The following GNA15 variants were observed in gnomAD, a reference collection of about 807,000 sequenced individuals.
The protein encoded by GNA15 is G protein subunit alpha 15, also known as guanine nucleotide-binding protein subunit alpha-15.
In GNA15, 23 loss-of-function variants were observed where a neutral mutation model predicts 40.1. The observed-to-expected ratio is 0.57, with a 90% confidence interval of 0.41 to 0.81. The LOEUF is 0.81. Among genes scored for constraint, GNA15 ranks in the 40% least tolerant of loss-of-function variants. The probability of loss-of-function intolerance (pLI) is 0.00; values close to 1 mark genes in which losing one functional copy is unlikely to be tolerated. For missense variants in GNA15, 522 were observed against 515.8 expected, an observed-to-expected ratio of 1.01 and a Z score of -0.12; for synonymous variants, 226 against 210.4, an observed-to-expected ratio of 1.07 and a Z score of -0.64.
intron 1 of GNA15, among the ~76,000 whole-genome samples, chr19:3,138,278 A>T (rs1236199987): frequency 1.3e-5 from 2 of 152,202 alleles, no homozygotes; most frequent in Non-Finnish European, 2.9e-5. Context: ...AAAAAAAAAA[A>T]ATTCTGATCT....
Position 3,136,631 on chromosome 19 carries a change from A to T in GNA15, c.145+36A>T. ...GGTCGGTGGGCGGTGGGTGGTGGGCAGTGGGCGGTGGCCAGCCGGCAGGGG... is the reference window on the plus strand; with the variant it reads ...GGTCGGTGGGCGGTGGGTGGTGGGCTGTGGGCGGTGGCCAGCCGGCAGGGG... On this transcript the variant is annotated intron_variant, in intron 1 of 6. Transcript: ENST00000262958. This position sits in a 1 kb window ranked among gnomAD's most constrained non-coding sequence, Gnocchi z 4.9. 1 of 1,524,228 alleles carries T rather than the reference A, an allele frequency of 6.6e-7. No individual in the cohort carries two copies. The highest frequency in any genetic ancestry group is 8.9e-7 in the Non-Finnish European group (1 of 1,126,460). The allele number at this position is 1,524,228 out of a possible 1,614,324, so 94.4% of individuals were successfully genotyped here.
At chr19:3,146,868 T>G (rs938179722) in intron 1 of GNA15, among the ~76,000 whole-genome samples, 25 of 152,138 alleles carry the variant, frequency 1.6e-4, no homozygotes, top group Non-Finnish European at 2.9e-5. Flanking sequence ...AAGACTTCCC[T>G]GCAACCCACA....
At chr19:3,140,418 G>A (rs1000239753) in intron 1 of GNA15, among the ~76,000 whole-genome samples, 2 of 151,732 alleles carry the variant, frequency 1.3e-5, no homozygotes, top group Non-Finnish European at 2.9e-5. Flanking sequence ...CTCTTTCCTC[G>A]AATACCTCAA....
chr19:3,161,726 G>A (rs1340601174), intron 6 of GNA15, among the ~76,000 whole-genome samples: 1 of 152,122 alleles, frequency 6.6e-6, no homozygotes, highest in Non-Finnish European at 1.5e-5. Context: ...ACTCTTTGCT[G>A]ACTCCCAGCC....
chr19:3,147,271 G>C (rs1051937734), intron 1 of GNA15, among the ~76,000 whole-genome samples: 1 of 152,132 alleles, frequency 6.6e-6, no homozygotes, highest in African/African-American at 2.4e-5. Context: ...AATAAAAATA[G>C]GCCAGGCACG....
At position 3,163,213 on chromosome 19, in the gene GNA15, C is replaced by A. The variant is rs1008809421; in HGVS notation, c.*194C>A. 1.2e-5 allele frequency: 7 copies of A among 589,904 alleles called. No homozygotes were observed. In the East Asian group the frequency reaches 2.0e-4, roughly 17 times the overall value. 36.5% of individuals were successfully genotyped at this position (589,904 alleles called of 1,614,324 possible). On this transcript the variant is annotated 3_prime_UTR_variant, in exon 7 of 7. Transcript: ENST00000262958. Reference sequence around the variant, plus strand: ...ACAGCCGCCCCCCAGGGTACTCCTGCCCTTGCTTGACTCAGTTTCCCTCCT... The same window carrying A: ...ACAGCCGCCCCCCAGGGTACTCCTGACCTTGCTTGACTCAGTTTCCCTCCT...
chr19:3,156,428 CAT>C (rs1599329427), intron 5 of GNA15, among the ~76,000 whole-genome samples: 2 of 151,400 alleles, frequency 1.3e-5, no homozygotes, highest in Non-Finnish European at 1.5e-5. Flanking sequence ...TGAACACACA[CAT>C]GCACACACAC....
chr19:3,144,703 T>C (rs1441787037), intron 1 of GNA15, among the ~76,000 whole-genome samples: 4 of 150,850 alleles, frequency 2.7e-5, no homozygotes, highest in East Asian at 3.9e-4. Flanking sequence ...TAATTTTTTG[T>C]ATTTTTAGTA....
At position 3,151,807 on chromosome 19, in the gene GNA15, T is replaced by A; in HGVS notation, c.586T>A (p.Cys196Ser). ...RMPTTGINEY[C>S]FSVQKTNLRI... Reference sequence around the variant, plus strand: ...GCCCACCACTGGCATCAACGAGTACTGCTTCTCCGTGCAGAAAACCAACCT... The same window carrying A: ...GCCCACCACTGGCATCAACGAGTACAGCTTCTCCGTGCAGAAAACCAACCT... Residue 196 changes from cysteine to serine, a missense_variant, in exon 4 of 7, where the codon TGC (cysteine) becomes AGC (serine). Cys to Ser is a moderately radical substitution (Grantham distance 112). Transcript: ENST00000262958. This position sits in a 1 kb window ranked among gnomAD's most constrained non-coding sequence, Gnocchi z 5.0. The A allele has an allele frequency of 6.2e-7, 1 of 1,612,168 alleles. No individual in the cohort carries two copies. The highest frequency in any genetic ancestry group is 8.5e-7 in the Non-Finnish European group (1 of 1,179,406).
chr19:3,153,096 C>T (rs765538065), intron 4 of GNA15, among the ~76,000 whole-genome samples: 1 of 152,082 alleles, frequency 6.6e-6, no homozygotes, highest in Non-Finnish European at 1.5e-5. Context: ...TGGGTCCACA[C>T]CACCTTTAAG....
At chr19:3,148,915 C>T in intron 2 of GNA15, 140 bp downstream of exon 2, 1 of 782,782 alleles carries the variant, frequency 1.3e-6, no homozygotes, top group South Asian at 1.8e-5. Flanking sequence ...GGTCCCCAGA[C>T]CCTGGGGCAA....
intron 6 of GNA15, among the ~76,000 whole-genome samples, chr19:3,158,724 T>A (rs1323674805): frequency 6.6e-6 from 1 of 151,980 alleles, no homozygotes; most frequent in African/African-American, 2.4e-5. Flanking sequence ...CCGGTTCAAG[T>A]GATTCTCCTG....
In GNA15 at chr19:3,163,044, G is replaced by A. The variant is rs1202438968; in HGVS notation, c.*25G>A. 5.3e-6 allele frequency: 8 copies of A among 1,518,476 alleles called. No homozygotes were observed. In the South Asian group the frequency reaches 7.9e-5, roughly 15 times the overall value. The allele number at this position is 1,518,476 out of a possible 1,614,324, so 94.1% of individuals were successfully genotyped here. On this transcript the variant is annotated 3_prime_UTR_variant, in exon 7 of 7. Coordinates refer to ENST00000262958, the MANE Select transcript of GNA15 (RefSeq NM_002068.4). ...ACCCAGGCCCCACCTGGGGCAGGCGGCACCGGCGGGCGGGTGGGAGGTGGG... is the reference window on the plus strand; with the variant it reads ...ACCCAGGCCCCACCTGGGGCAGGCGACACCGGCGGGCGGGTGGGAGGTGGG...
In GNA15 at chr19:3,162,894, G is replaced by T. The variant is rs747491972; in HGVS notation, c.1000G>T (p.Ala334Ser). Residue 334 changes from alanine to serine, a missense_variant, in exon 7 of 7, where the codon GCA (alanine) becomes TCA (serine). By Grantham distance (99) the Ala-to-Ser change is moderately conservative. Coordinates refer to ENST00000262958, the MANE Select transcript of GNA15 (RefSeq NM_002068.4). ...VDGPEGSKKG[A>S]RSRRLFSHYT... ...CGGCCCCGAGGGCAGCAAGAAGGGC[G>T]CACGATCCCGACGCCTCTTCAGCCA... The T allele has an allele frequency of 6.2e-7, 1 of 1,613,530 alleles. No homozygotes were observed. Among genetic ancestry groups the T allele is most frequent in the East Asian group, 2.2e-5 (1 of 44,872 alleles).
Position 3,163,578 on chromosome 19 carries a change from C to T in GNA15, c.*559C>T. 6.5e-6 allele frequency: 1 copy of T among 154,250 alleles called. No individual in the cohort carries two copies. Among genetic ancestry groups the T allele is most frequent in the Non-Finnish European group, 1.4e-5 (1 of 69,160 alleles). The allele number at this position is 154,250 out of a possible 1,614,324, so 9.6% of individuals were successfully genotyped here. On this transcript the variant is annotated 3_prime_UTR_variant, in exon 7 of 7. Transcript: ENST00000262958. ...CACTGTCACTTTCAGAGCTCGGTGG[C>T]TCACAGCGTGTCCTGCCCCGGTTTG...
In GNA15 at chr19:3,157,948, C is replaced by G. The variant is rs138596601; in HGVS notation, c.898+67C>G. The G allele has an allele frequency of 6.8e-4, 860 of 1,256,666 alleles. 1 individual carries two copies. The highest frequency in any genetic ancestry group is 2.5e-3 in the Middle Eastern group (13 of 5,288). The allele number at this position is 1,256,666 out of a possible 1,614,324, so 77.8% of individuals were successfully genotyped here. ...AGCAGCTCCGAAGAGAGATGCTAAT[C>G]CAGACTCTACTTCAGCCTGGAGTCA... On this transcript the variant is annotated intron_variant, in intron 6 of 6. Transcript: ENST00000262958.
chr19:3,157,779 T>G lies in GNA15; in HGVS notation c.796T>G (p.Trp266Gly). 6.2e-7 allele frequency: 1 copy of G among 1,613,890 alleles called. No individual in the cohort carries two copies. The highest frequency in any genetic ancestry group is 8.5e-7 in the Non-Finnish European group (1 of 1,179,768). ...GTTTGGGACTATCCTGGAACTACCCTGGTTCAAAAGCACATCCGTCATCCT... is the reference window on the plus strand; with the variant it reads ...GTTTGGGACTATCCTGGAACTACCCGGGTTCAAAAGCACATCCGTCATCCT... ...ALFGTILELP[W>G]FKSTSVILFL... Residue 266 changes from tryptophan to glycine, a missense_variant, in exon 6 of 7, where the codon TGG (tryptophan) becomes GGG (glycine). Physicochemically the swap from Trp to Gly is radical, Grantham distance 184. Coordinates refer to ENST00000262958, the MANE Select transcript of GNA15 (RefSeq NM_002068.4).
intron 4 of GNA15, among the ~76,000 whole-genome samples, chr19:3,153,972 A>C (rs1246291115): frequency 6.7e-6 from 1 of 149,830 alleles, no homozygotes; most frequent in African/African-American, 2.5e-5. Flanking sequence ...TAGATGGATA[A>C]TGGGTGAACA....
In GNA15 at chr19:3,139,715, C is replaced by T. The variant is rs148220900; in HGVS notation, c.145+3120C>T. On this transcript the variant is annotated intron_variant, in intron 1 of 6. Transcript: ENST00000262958. ...GAGGTTGAGAACATCCTGGCTAACA[C>T]GATGAAACCCCGTCTCTACTAAAAA... 2.5e-4 allele frequency among the ~76,000 whole-genome samples: 38 copies of T among 151,582 alleles called. No homozygotes were observed. The East Asian group carries it at 5.6e-3, about 23-fold the overall frequency.
Sources: gnomAD v4.1 joint callset for allele counts (sites outside exome capture counted in the v4.1 genomes callset) on GRCh38, gnomAD v4.1.1 for gene constraint, Gnocchi (gnomAD v3.1) non-coding constraint, MANE v1.5 for transcripts, NCBI Gene and HGNC (gene_info 2026-07-23, HGNC 2026-07-21) for gene names.